GLIS3: variants seen among roughly 807,000 people sequenced by gnomAD.
GLIS3 encodes GLIS family zinc finger 3.
GLIS3 carries 53 observed loss-of-function variants against 78.6 expected under a neutral mutation model. The observed-to-expected ratio is 0.67, with a 90% CI of 0.54 to 0.85. The LOEUF (loss-of-function observed/expected upper bound fraction) is 0.85. Among genes scored for constraint, GLIS3 ranks in the 40% least tolerant of loss-of-function variants. GLIS3 has a pLI of 0.00. For missense variants in GLIS3, 1,703 were observed against 1,231.1 expected, an observed-to-expected ratio of 1.38 and a Z score of -5.74; for synonymous variants, 684 against 509.9, an observed-to-expected ratio of 1.34 and a Z score of -4.60.
intron 4 of GLIS3, among the ~76,000 whole-genome samples, chr9:3,998,226 A>T (rs1408765991): frequency 6.6e-6 from 1 of 152,212 alleles, no homozygotes. Flanking sequence ...TTGTATAAAA[A>T]GTACTGTTTC....
At chr9:4,280,032 A>G (rs750401958) in intron 2 of GLIS3, among the ~76,000 whole-genome samples, 2 of 152,180 alleles carry the variant, frequency 1.3e-5, no homozygotes, top group Admixed American at 1.3e-4. Context: ...TTATTTATTT[A>G]TGTTTGAGGC....
chr9:4,227,256 G>A (rs985204620), intron 2 of GLIS3, among the ~76,000 whole-genome samples: 1 of 148,288 alleles, frequency 6.7e-6, no homozygotes, highest in Non-Finnish European at 1.5e-5. Flanking sequence ...AGAAAGACAG[G>A]ACAGAATTTG....
intron 2 of GLIS3, among the ~76,000 whole-genome samples, chr9:4,168,166 TTC>T (rs1245291699): frequency 2.0e-5 from 3 of 151,908 alleles, no homozygotes; most frequent in Admixed American, 6.6e-5. Flanking sequence ...CTTCTCTCTC[TTC>T]TCTCTCTCTT....
intron 4 of GLIS3, among the ~76,000 whole-genome samples, chr9:3,987,564 T>TTA (rs1333278126): frequency 4.0e-5 from 6 of 149,918 alleles, no homozygotes; most frequent in Non-Finnish European, 4.4e-5. Context: ...TAGCTGGGCG[T>TTA]TGTGGTGGGC....
At chr9:4,280,800 G>T (rs991902489) in intron 2 of GLIS3, among the ~76,000 whole-genome samples, 1 of 151,838 alleles carries the variant, frequency 6.6e-6, no homozygotes, top group African/African-American at 2.4e-5. Context: ...TGAGGCAAAT[G>T]TTGTGCAATC....
intron 2 of GLIS3, among the ~76,000 whole-genome samples, chr9:4,277,303 A>T (rs1025279733): frequency 5.9e-5 from 9 of 152,224 alleles, no homozygotes; most frequent in African/African-American, 2.2e-4. Flanking sequence ...GTGGAGAAAA[A>T]CACACAGCTA....
intron 2 of GLIS3, chr9:4,151,134 T>G (rs765750133): frequency 6.6e-6 from 1 of 152,082 alleles, no homozygotes; most frequent in Non-Finnish European, 1.5e-5. Context: ...TTAACAACTG[T>G]GCCTAGAGAT....
At chr9:4,165,893 G>A (rs757055987) in intron 2 of GLIS3, among the ~76,000 whole-genome samples, 2 of 152,206 alleles carry the variant, frequency 1.3e-5, no homozygotes, top group Non-Finnish European at 2.9e-5. Flanking sequence ...AATGTTTGGG[G>A]AGGCAGGAAA....
At chr9:4,387,282 A>G in the GLIS3 span, among the ~76,000 whole-genome samples, 1 of 151,956 alleles carries the variant, frequency 6.6e-6, no homozygotes, top group African/African-American at 2.4e-5. Flanking sequence ...ATCCAAAACA[A>G]TGGCCTCCCA....
intron 3 of GLIS3, among the ~76,000 whole-genome samples, chr9:4,124,703 C>G (rs1270759808): frequency 6.6e-6 from 1 of 152,038 alleles, no homozygotes; most frequent in Non-Finnish European, 1.5e-5. Flanking sequence ...AGGGACAGCA[C>G]AGAGATACAA....
chr9:3,876,910 A>G (rs117072862), intron 8 of GLIS3, among the ~76,000 whole-genome samples: 1 of 151,834 alleles, frequency 6.6e-6, no homozygotes, highest in African/African-American at 2.4e-5. Flanking sequence ...CCAAACAGTT[A>G]GCAACCGTCA....
intron 4 of GLIS3, among the ~76,000 whole-genome samples, chr9:4,095,552 T>C (rs566389133): frequency 2.0e-5 from 3 of 152,188 alleles, no homozygotes; most frequent in Admixed American, 2.0e-4. Context: ...TCAAGCTATA[T>C]TAGAAGAGGA....
chr9:3,898,700 G>T lies in GLIS3; in HGVS notation c.2119C>A (p.Leu707Ile), dbSNP rs765694369. 12 of 1,614,008 alleles carry T rather than the reference G, an allele frequency of 7.4e-6. No homozygotes were observed. The South Asian group carries it at 1.3e-4, about 18-fold the overall frequency. ...CCTTTGCTGTCTTTACCTGAATAGA[G>T]GTCAGGCCCGGGTCCAGGGGAGCGT... ...VGRSPGPGPD[L>I]YSAPIFSSNY... The change falls in exon 7 of 11, where the codon CTC becomes ATC. Residue 707 changes from leucine to isoleucine, a missense_variant. Leu to Ile is a conservative substitution (Grantham distance 5). Coordinates refer to ENST00000381971, the MANE Select transcript of GLIS3 (RefSeq NM_001042413.2).
the GLIS3 span, among the ~76,000 whole-genome samples, chr9:4,483,666 G>A: frequency 6.6e-6 from 1 of 150,834 alleles, no homozygotes; most frequent in Non-Finnish European, 1.5e-5. Context: ...GATGCAGTGA[G>A]CCGATATCAT....
At chr9:4,196,389 C>T (rs1037562483) in intron 2 of GLIS3, among the ~76,000 whole-genome samples, 2 of 152,322 alleles carry the variant, frequency 1.3e-5, no homozygotes, top group South Asian at 2.1e-4. Flanking sequence ...GCAGTGGCAA[C>T]CGGCTCAGGT....
At chr9:4,194,286 C>T (rs912240967) in intron 2 of GLIS3, among the ~76,000 whole-genome samples, 3 of 152,078 alleles carry the variant, frequency 2.0e-5, no homozygotes, top group Non-Finnish European at 4.4e-5. Context: ...TCTCAAACTC[C>T]TGAGCTCAGG....
At position 4,245,821 on chromosome 9, in the gene GLIS3, T is replaced by C. The variant is rs189446815; in HGVS notation, c.388+40217A>G. Among the ~76,000 whole-genome samples, 3 of 152,358 alleles carry C rather than the reference T, an allele frequency of 2.0e-5. No homozygotes were observed. In the East Asian group the frequency reaches 5.8e-4, roughly 29 times the overall value. ...ATAATAATAAAGTGCCCTGTATTGA[T>C]GCAAGGTTGGCCTGAACACAGAATT... On this transcript the variant is annotated intron_variant, in intron 2 of 10. Transcript: ENST00000381971.
chr9:4,293,546 C>G (rs1200288953), intron 1 of GLIS3, among the ~76,000 whole-genome samples: 1 of 152,218 alleles, frequency 6.6e-6, no homozygotes, highest in Non-Finnish European at 1.5e-5. Flanking sequence ...AAGTTACAGA[C>G]AGAAGTGGAA....
At chr9:4,068,366 T>C (rs1827281848) in intron 4 of GLIS3, among the ~76,000 whole-genome samples, 1 of 151,898 alleles carries the variant, frequency 6.6e-6, no homozygotes, top group Non-Finnish European at 1.5e-5. Context: ...TAGAGAAAAA[T>C]AAGTAAAATA....
Sources: allele counts gnomAD v4.1 joint callset (sites outside exome capture counted in the v4.1 genomes callset), GRCh38; gene constraint gnomAD v4.1.1; transcripts MANE v1.5; gene names NCBI Gene and HGNC (gene_info 2026-07-23, HGNC 2026-07-21).